Variants in ATG2A observed in about 807,000 individuals in gnomAD.
The protein encoded by ATG2A is autophagy-related protein 2 homolog A.
A neutral mutation model predicts 214.2 loss-of-function variants in ATG2A; 103 were observed. The observed-to-expected ratio is 0.48, with a 90% CI of 0.41 to 0.57. The LOEUF (loss-of-function observed/expected upper bound fraction) is 0.57, where lower values mean the gene tolerates loss of function less well. Ranked by LOEUF, ATG2A falls within the 20% of genes least tolerant of loss-of-function variation. The pLI is 0.00. For synonymous variants in ATG2A, 1,160 were observed against 1,142.1 expected (o/e 1.02, Z -0.32); for missense variants, 2,312 against 2,613.2 (o/e 0.88, Z 2.51).
chr11:64,905,480 C>G lies in ATG2A; in HGVS notation c.3464+83G>C, dbSNP rs192404303. On this transcript the variant is annotated intron_variant, in intron 24 of 40. Transcript: ENST00000377264. ...CTATCACCCGGGTGTACATTAAGACCGAGAGCACCAGAGGACACACAGCTG... is the reference window on the plus strand; with the variant it reads ...CTATCACCCGGGTGTACATTAAGACGGAGAGCACCAGAGGACACACAGCTG... The G allele has an allele frequency of 9.4e-4, 1,295 of 1,374,626 alleles. 1 individual carries two copies. Among genetic ancestry groups the G allele is most frequent in the Non-Finnish European group, 1.0e-3 (998 of 987,200 alleles). The allele number at this position is 1,374,626 out of a possible 1,614,324, so 85.2% of individuals were successfully genotyped here.
intron 39 of ATG2A, 89 bp downstream of exon 39, chr11:64,896,373 G>C: frequency 6.7e-7 from 1 of 1,487,490 alleles, no homozygotes; most frequent in Non-Finnish European, 9.0e-7. Context: ...CCCACTCTGA[G>C]GAGCTTTGAG....
chr11:64,916,296 C>CGG (rs1944981541), intron 1 of ATG2A, among the ~76,000 whole-genome samples: 2 of 152,134 alleles, frequency 1.3e-5, no homozygotes, highest in African/African-American at 4.8e-5. Context: ...GGACACTGAG[C>CGG]CGGGGGGGTC....
At chr11:64,897,219 C>A in intron 37 of ATG2A, 193 bp downstream of exon 37, 1 of 672,342 alleles carries the variant, frequency 1.5e-6, no homozygotes, top group Non-Finnish European at 2.5e-6. Context: ...GGGGGTTTCA[C>A]CATGTTGGTC....
chr11:64,906,553 G>A lies in ATG2A; in HGVS notation c.2984-20C>T. The A allele has an allele frequency of 6.2e-7, 1 of 1,610,372 alleles. No individual in the cohort carries two copies. The highest frequency in any genetic ancestry group is 8.5e-7 in the Non-Finnish European group (1 of 1,178,008). On this transcript the variant is annotated intron_variant, in intron 20 of 40. Transcript: ENST00000377264. ...CGGCCGCTGGGGAGGGGTCTCATGA[G>A]CCCCCTGCCAAGCCAACTGGCTACC...
At position 64,910,090 on chromosome 11, in the gene ATG2A, C is replaced by T. The variant is rs375650529; in HGVS notation, c.1813G>A (p.Ala605Thr). The T allele has an allele frequency of 3.7e-5, 60 of 1,608,602 alleles. No individual in the cohort carries two copies. In the East Asian group the frequency reaches 4.9e-4, roughly 13 times the overall value. The change falls in exon 13 of 41, where the codon GCC becomes ACC. Residue 605 changes from alanine (A) to threonine (T), a missense_variant. Coordinates refer to ENST00000377264, the MANE Select transcript of ATG2A (RefSeq NM_015104.3). The stretch of plus-strand genomic sequence containing the variant: ...GGTACGGTGGCCAGGCGCAGTAGGG[C>T]GGCCAGCCGGTCCAGGGCCCCCAGC... ...VELGALDRLA[A>T]LLRLATVPAE...
At chr11:64,904,556 T>A (rs542565919) in intron 24 of ATG2A, among the ~76,000 whole-genome samples, 7 of 151,460 alleles carry the variant, frequency 4.6e-5, no homozygotes, top group Admixed American at 1.3e-4. Context: ...AAAAAAAAAA[T>A]AAATAAAAAA....
Position 64,905,803 on chromosome 11 carries a change from G to T in ATG2A, c.3310C>A (p.Leu1104Met). Reference sequence around the variant, plus strand: ...AGGATGGTGATGACCGTCGGGGGCAGGTAGCCCAGCACAGGGTCATCCAGC... The same window carrying T: ...AGGATGGTGATGACCGTCGGGGGCATGTAGCCCAGCACAGGGTCATCCAGC... ...DVLDDPVLGY[L>M]PPTVITILHT... Residue 1104 changes from leucine to methionine, a missense_variant, in exon 23 of 41, where the codon CTG becomes ATG. Leu to Met is a conservative substitution (Grantham distance 15). Transcript: ENST00000377264. 6.2e-7 allele frequency: 1 copy of T among 1,613,772 alleles called. No homozygotes were observed. The highest frequency in any genetic ancestry group is 8.5e-7 in the Non-Finnish European group (1 of 1,180,012).
Position 64,897,445 on chromosome 11 carries a change from T to C in ATG2A, c.5117A>G (p.Glu1706Gly). The change falls in exon 37 of 41, where the codon GAG (glutamate) becomes GGG (glycine). Residue 1706 changes from glutamate to glycine, a missense_variant. Physicochemically the swap from Glu to Gly is moderately conservative, Grantham distance 98 (BLOSUM62 -2). Transcript: ENST00000377264. ...LIGLAQLNCS[E>G]LKLKRLCCRH... Reference sequence around the variant, plus strand: ...GCAACAGAGCCGCTTTAGCTTCAGCTCGGAGCAGTTGAGTTGGGCCAGGCC... The same window carrying C: ...GCAACAGAGCCGCTTTAGCTTCAGCCCGGAGCAGTTGAGTTGGGCCAGGCC... 6.4e-7 allele frequency: 1 copy of C among 1,573,392 alleles called. No homozygotes were observed. Among genetic ancestry groups the C allele is most frequent in the Non-Finnish European group, 8.6e-7 (1 of 1,159,098 alleles).
Position 64,905,730 on chromosome 11 carries a change from C to T in ATG2A, c.3371+12G>A. ...TCCCCGTCCCCAGCCCCTGGCCCAC[C>T]CAGCCTGGTACCTATAGTCCACAGA... On this transcript the variant is annotated intron_variant, in intron 23 of 40. Coordinates refer to ENST00000377264, the MANE Select transcript of ATG2A (RefSeq NM_015104.3). 1 of 1,613,908 alleles carries T rather than the reference C, an allele frequency of 6.2e-7. No homozygotes were observed. The highest frequency in any genetic ancestry group is 8.5e-7 in the Non-Finnish European group (1 of 1,179,990).
At chr11:64,905,145 C>T (rs963957501) in intron 24 of ATG2A, among the ~76,000 whole-genome samples, 18 of 152,212 alleles carry the variant, frequency 1.2e-4, no homozygotes, top group South Asian at 6.2e-4. Flanking sequence ...TGAGCCACCG[C>T]ACCCTCCATC....
intron 12 of ATG2A, 44 bp from the exon 13 acceptor site, chr11:64,910,239 C>T (rs994354478): frequency 4.6e-6 from 7 of 1,533,652 alleles, no homozygotes; most frequent in African/African-American, 4.1e-5. Context: ...GAGTGGTACT[C>T]AGCGGGTGGG....
At position 64,902,354 on chromosome 11, in the gene ATG2A, GC is replaced by G; in HGVS notation, c.3809del (p.Cys1270SerfsTer68). ...LSESPASLPS[C>X]PPVETALINQ... is the part of the protein sequence containing the mutation. ...TGATGAGGGCCGTCTCCACTGGGGG[GC>G]ACGAGGGCAGAGAGGCAGGACTCTC... On this transcript the variant is annotated frameshift_variant, in exon 28 of 41. Transcript: ENST00000377264. LOFTEE classifies it high-confidence loss of function. 1 of 1,600,064 alleles carries G rather than the reference GC, an allele frequency of 6.2e-7. No homozygotes were observed. The highest frequency in any genetic ancestry group is 8.5e-7 in the Non-Finnish European group (1 of 1,174,200).
chr11:64,905,860 A>G lies in ATG2A; in HGVS notation c.3265-12T>C. 2.5e-6 allele frequency: 4 copies of G among 1,611,794 alleles called. No individual in the cohort carries two copies. The highest frequency in any genetic ancestry group is 3.4e-6 in the Non-Finnish European group (4 of 1,178,866). On this transcript the variant is annotated splice_polypyrimidine_tract_variant and intron_variant, in intron 22 of 40. Coordinates refer to ENST00000377264, the MANE Select transcript of ATG2A (RefSeq NM_015104.3). ...AGGAACTCCAACAACTTCAGAGGCC[A>G]GGGCAGGAGGAAGCAGTGAGGATCA...
intron 2 of ATG2A, 34 bp downstream of exon 2, chr11:64,914,304 C>A: frequency 6.4e-7 from 1 of 1,566,690 alleles, no homozygotes; most frequent in Non-Finnish European, 8.7e-7. Flanking sequence ...CCACTCTCCC[C>A]ACTTGCCTGC....
intron 12 of ATG2A, 24 bp from the exon 13 acceptor site, chr11:64,910,219 A>C (rs776754527): frequency 2.6e-5 from 41 of 1,572,316 alleles, no homozygotes; most frequent in Non-Finnish European, 3.4e-5. Context: ...CGTTCAGGTC[A>C]GTGAGGGCTG....
At position 64,903,858 on chromosome 11, in the gene ATG2A, G is replaced by A. The variant is rs540318021; in HGVS notation, c.3465-198C>T. 3.9e-5 allele frequency among the ~76,000 whole-genome samples: 6 copies of A among 152,362 alleles called. No homozygotes were observed. The highest frequency in any genetic ancestry group is 3.4e-3 in the Middle Eastern group (1 of 294). On this transcript the variant is annotated intron_variant, in intron 24 of 40. Coordinates refer to ENST00000377264, the MANE Select transcript of ATG2A (RefSeq NM_015104.3). This position sits in a 1 kb window ranked among gnomAD's most constrained non-coding sequence, Gnocchi z 4.2. Reference sequence around the variant, plus strand: ...GGGCAGCACTTGCAGCTCTCAAAGTGCCTGCAGTTCCGACACCTCAATGGG... The same window carrying A: ...GGGCAGCACTTGCAGCTCTCAAAGTACCTGCAGTTCCGACACCTCAATGGG...
At position 64,906,633 on chromosome 11, in the gene ATG2A, C is replaced by T. The variant is rs748607628; in HGVS notation, c.2983+32G>A. ...AAAGCCCTCCACCCCCAACCCTGGA[C>T]CCCAGTGGTGACCTGCCCCCAGGCC... is the stretch of plus-strand genomic sequence containing the variant. On this transcript the variant is annotated intron_variant, in intron 20 of 40. Transcript: ENST00000377264. 117 of 1,612,194 alleles carry T rather than the reference C, an allele frequency of 7.3e-5. No individual in the cohort carries two copies. The East Asian group carries it at 2.6e-3, about 35-fold the overall frequency.
Position 64,907,409 on chromosome 11 carries a change from T to A in ATG2A, c.2678A>T (p.Asp893Val). The A allele has an allele frequency of 1.3e-6, 2 of 1,587,744 alleles. No individual in the cohort carries two copies. Among genetic ancestry groups the A allele is most frequent in the Non-Finnish European group, 1.7e-6 (2 of 1,166,982 alleles). ...GAAGTGGGCATCCTCGTCATCCGAGTCCGAGTCTGGGGTGAGATCAAAGCA... is the reference window on the plus strand; with the variant it reads ...GAAGTGGGCATCCTCGTCATCCGAGACCGAGTCTGGGGTGAGATCAAAGCA... Reference protein sequence around the residue: ...ANCFDLTPDSDSDDEDAHFFS... With the variant: ...ANCFDLTPDSVSDDEDAHFFS... The change falls in exon 19 of 41, where the codon GAC becomes GTC. Residue 893 changes from aspartate (D) to valine (V), a missense_variant. Physicochemically the swap from Asp to Val is radical, Grantham distance 152. Coordinates refer to ENST00000377264, the MANE Select transcript of ATG2A (RefSeq NM_015104.3).
chr11:64,911,006 TCTCTC>T (rs1391559556), intron 10 of ATG2A, 27 bp downstream of exon 10: 1 of 1,613,502 alleles, frequency 6.2e-7, no homozygotes, highest in Non-Finnish European at 8.5e-7. Flanking sequence ...GCTCTGATGG[TCTCTC>T]CTCAGGCCCT....
Sources: gnomAD v4.1 joint callset for allele counts (sites outside exome capture counted in the v4.1 genomes callset) on GRCh38, gnomAD v4.1.1 for gene constraint, Gnocchi (gnomAD v3.1) non-coding constraint, MANE v1.5 for transcripts, NCBI Gene and HGNC (gene_info 2026-07-23, HGNC 2026-07-21) for gene names.